The following NOXO1 variants were observed in gnomAD, a reference collection of about 807,000 sequenced individuals.
NOXO1 encodes the protein NADPH oxidase regulatory protein.
Under a neutral mutation model 33.3 loss-of-function variants are expected in NOXO1, and 38 were observed. That is an observed-to-expected ratio of 1.14 (90% CI 0.88 to 1.50). The LOEUF is 1.50. Ranked by LOEUF, NOXO1 falls within the 40% of genes most tolerant of loss-of-function variation. The probability of loss-of-function intolerance (pLI) is 0.00; values close to 1 mark genes in which losing one functional copy is unlikely to be tolerated. For missense variants in NOXO1, 675 were observed against 527.1 expected (o/e 1.28, Z -2.75); for synonymous variants, 302 against 237.3 (o/e 1.27, Z -2.51).
rs755167520 is a variant in NOXO1 at position 1,980,736 on chromosome 16, G to A, written c.148-5C>T. On this transcript the variant is annotated splice_region_variant and splice_polypyrimidine_tract_variant and intron_variant, in intron 2 of 7. Transcript: ENST00000356120. The stretch of plus-strand genomic sequence containing the variant: ...GAAGGTCTCCTTGAGGGTCTTCTGA[G>A]GGCGGGAACCAGGGCATTGGTCTTC... The A allele has an allele frequency of 1.3e-6, 2 of 1,594,000 alleles. No individual in the cohort carries two copies. Among genetic ancestry groups the A allele is most frequent in the Admixed American group, 1.7e-5 (1 of 57,286 alleles).
chr16:1,981,114 T>C lies in NOXO1; in HGVS notation c.66A>G (p.Gln22=), dbSNP rs948381728. The change falls in exon 1 of 8, where the codon CAA becomes CAG. Residue 22 remains glutamine, a splice_region_variant and synonymous_variant. Coordinates refer to ENST00000356120, the MANE Select transcript of NOXO1 (RefSeq NM_172167.3). ...CACTAAGGACCCAGCCAGGTCTTAC[T>C]TGGAGCCTCTTGATCTGCACCAGGG... The part of the protein sequence containing the change: ...GAALVQIKRL[Q]TFAFSVRWSD... The C allele has an allele frequency of 6.2e-7, 1 of 1,613,424 alleles. No homozygotes were observed. Among genetic ancestry groups the C allele is most frequent in the Admixed American group, 1.7e-5 (1 of 60,034 alleles).
At position 1,979,848 on chromosome 16, in the gene NOXO1, G is replaced by GT; in HGVS notation, c.641dup (p.Tyr214Ter). The change falls in exon 6 of 8, where the codon TAC (tyrosine) becomes TAAC (stop). Residue 214 changes from tyrosine to a stop codon, truncating the protein, a stop_gained and frameshift_variant. Coordinates refer to ENST00000356120, the MANE Select transcript of NOXO1 (RefSeq NM_172167.3). LOFTEE classifies it high-confidence loss of function. ...DRQTAWFPAP[Y>*]LEEAAPGQGR... is the part of the protein sequence containing the mutation. ...CTTGGCCCGGGGCCGCCTCCTCCAG[G>GT]TAGGGCGCTGGAAACCAGGCGGTCT... The GT allele has an allele frequency of 6.3e-6, 10 of 1,580,564 alleles. No homozygotes were observed. Among genetic ancestry groups the GT allele is most frequent in the Non-Finnish European group, 8.6e-6 (10 of 1,164,570 alleles).
intron 7 of NOXO1, 37 bp downstream of exon 7, chr16:1,979,388 C>CGGCTA: frequency 6.3e-7 from 1 of 1,595,770 alleles, no homozygotes; most frequent in Non-Finnish European, 8.5e-7. Flanking sequence ...CCGCCCGCCT[C>CGGCTA]GGCTAGCCTG....
rs542256990 is a variant in NOXO1, at chr16:1,979,450, A to T, written c.793T>A (p.Ser265Thr). 1 of 1,611,138 alleles carries T rather than the reference A, an allele frequency of 6.2e-7. No homozygotes were observed. ...CTGCATAGCCACCAGCCGCGGTCTGACGTTTCCAACACGCGCACGCGCGCC... is the reference window on the plus strand; with the variant it reads ...CTGCATAGCCACCAGCCGCGGTCTGTCGTTTCCAACACGCGCACGCGCGCC... ...AGARVRVLETSDRGWWLCRYG... is the reference protein window; with the variant it reads ...AGARVRVLETTDRGWWLCRYG... Residue 265 changes from serine (S) to threonine (T), a missense_variant, in exon 7 of 8, where the codon TCA becomes ACA. Physicochemically the swap from Ser to Thr is moderately conservative, Grantham distance 58 (BLOSUM62 1). Transcript: ENST00000356120.
intron 6 of NOXO1, 61 bp from the exon 7 acceptor site, chr16:1,979,603 C>A: frequency 6.9e-7 from 1 of 1,440,872 alleles, no homozygotes; most frequent in Non-Finnish European, 9.6e-7. Flanking sequence ...CCGCCCGCAC[C>A]CTTCTCCACA....
intron 6 of NOXO1, 122 bp from the exon 7 acceptor site, chr16:1,979,664 G>A: frequency 3.3e-6 from 4 of 1,195,386 alleles, no homozygotes; most frequent in Non-Finnish European, 4.7e-6. Flanking sequence ...GACCGGTTCG[G>A]GGCTTCCTCT....
intron 7 of NOXO1, 24 bp from the exon 8 acceptor site, chr16:1,979,373 GGGCCCC>G (rs2083448367): frequency 6.3e-7 from 1 of 1,588,254 alleles, no homozygotes. Context: ...GGTGTGGTTA[GGGCCCC>G]GCCCGCCTCG....
At position 1,980,009 on chromosome 16, in the gene NOXO1, G is replaced by A. The variant is rs1273049235; in HGVS notation, c.574C>T (p.Arg192Trp). Residue 192 changes from arginine (R) to tryptophan (W), a missense_variant, in exon 5 of 8, where the codon CGG becomes TGG. Transcript: ENST00000356120. ...QAQESLDVLL[R>W]HPSGWWLVEN... is the part of the protein sequence containing the mutation. ...TGGGGGGCCCTACCTGAGGGGTGCCGCAGCAGCACGTCCAGGCTCTCCTGG... is the reference window on the plus strand; with the variant it reads ...TGGGGGGCCCTACCTGAGGGGTGCCACAGCAGCACGTCCAGGCTCTCCTGG... The A allele has an allele frequency of 1.9e-6, 3 of 1,603,890 alleles. No individual in the cohort carries two copies. Among genetic ancestry groups the A allele is most frequent in the Non-Finnish European group, 2.5e-6 (3 of 1,176,508 alleles).
chr16:1,979,910 G>GC lies in NOXO1; in HGVS notation c.587-8dup. ...TTCTCCACCAGCCACCAGCCTGTGCGCAAGAAGCGGGCAGGGACTCAAATC... is the reference window on the plus strand; with the variant it reads ...TTCTCCACCAGCCACCAGCCTGTGCGCCAAGAAGCGGGCAGGGACTCAAATC... On this transcript the variant is annotated splice_polypyrimidine_tract_variant and splice_region_variant and intron_variant, in intron 5 of 7. Coordinates refer to ENST00000356120, the MANE Select transcript of NOXO1 (RefSeq NM_172167.3). 6.3e-7 allele frequency: 1 copy of GC among 1,579,294 alleles called. No individual in the cohort carries two copies. Among genetic ancestry groups the GC allele is most frequent in the Non-Finnish European group, 8.6e-7 (1 of 1,163,272 alleles).
intron 6 of NOXO1, 120 bp downstream of exon 6, chr16:1,979,670 C>T (rs1465265963): frequency 1.7e-6 from 2 of 1,177,626 alleles, no homozygotes; most frequent in Non-Finnish European, 2.4e-6. Context: ...TTCGGGGCTT[C>T]CTCTAGGTGC....
Position 1,979,840 on chromosome 16 carries a change from T to G in NOXO1, c.650A>C (p.Glu217Ala), listed in dbSNP as rs764889441. 1.8e-5 allele frequency: 28 copies of G among 1,577,448 alleles called. No homozygotes were observed. Among genetic ancestry groups the G allele is most frequent in the South Asian group, 3.4e-5 (3 of 87,022 alleles). ...CTCCCGGCCTTGGCCCGGGGCCGCC[T>G]CCTCCAGGTAGGGCGCTGGAAACCA... ...TAWFPAPYLE[E>A]AAPGQGREGG... is the part of the protein sequence containing the mutation. The change falls in exon 6 of 8, where the codon GAG (glutamate) becomes GCG (alanine). Residue 217 changes from glutamate (E) to alanine (A), a missense_variant. Coordinates refer to ENST00000356120, the MANE Select transcript of NOXO1 (RefSeq NM_172167.3).
In NOXO1 at chr16:1,980,420, A is replaced by T. The variant is rs202176564; in HGVS notation, c.348T>A (p.Thr116=). Residue 116 remains threonine (T), a synonymous_variant, in exon 4 of 8, where the codon ACT becomes ACA. Transcript: ENST00000356120. Reference sequence around the variant, plus strand: ...CCAGGGGTTGCGGTGCGAAGAAGCCAGTGATCGTCGGGCTCCGTGCCACGC... The same window carrying T: ...CCAGGGGTTGCGGTGCGAAGAAGCCTGTGATCGTCGGGCTCCGTGCCACGC... ...AERVARSPTI[T]GFFAPQPLDL... is the part of the protein sequence containing the mutation. The T allele has an allele frequency of 3.2e-4, 514 of 1,602,892 alleles. No individual in the cohort carries two copies. Among genetic ancestry groups the T allele is most frequent in the Non-Finnish European group, 4.1e-4 (483 of 1,179,834 alleles).
intron 6 of NOXO1, 22 bp from the exon 7 acceptor site, chr16:1,979,564 A>T: frequency 6.3e-7 from 1 of 1,585,796 alleles, no homozygotes; most frequent in Non-Finnish European, 8.6e-7. Flanking sequence ...GGGTGTTTGG[A>T]GTCACCGCGG....
At chr16:1,979,745 G>C (rs996375104) in intron 6 of NOXO1, 45 bp downstream of exon 6, 1 of 1,412,502 alleles carries the variant, frequency 7.1e-7, no homozygotes, top group African/African-American at 1.4e-5. Flanking sequence ...CTTGCCACAC[G>C]GTCAAGCCGC....
chr16:1,979,590 G>C, intron 6 of NOXO1, 48 bp from the exon 7 acceptor site: 1 of 1,500,496 alleles, frequency 6.7e-7, no homozygotes. Context: ...CAGAGGACGA[G>C]GCCCGCCCGC....
chr16:1,980,208 G>C (rs1416387834), intron 4 of NOXO1, 27 bp from the exon 5 acceptor site: 1 of 1,576,214 alleles, frequency 6.3e-7, no homozygotes, highest in Non-Finnish European at 8.6e-7. Context: ...GTACGAGTGA[G>C]AGGTAGGCGG....
Position 1,979,481 on chromosome 16 carries a change from G to A in NOXO1, c.762C>T (p.Pro254=), listed in dbSNP as rs755737441. The change falls in exon 7 of 8, where the codon CCC becomes CCT. Residue 254 remains proline (P), a synonymous_variant. Transcript: ENST00000356120. The stretch of plus-strand genomic sequence containing the variant: ...CCAACACGCGCACGCGCGCCCCCGC[G>A]GGCACGGACAGCTCATCTGCGCGGC... ...ESSRADELSV[P]AGARVRVLET... is the part of the protein sequence containing the mutation. The A allele has an allele frequency of 6.2e-7, 1 of 1,611,916 alleles. No homozygotes were observed. The highest frequency in any genetic ancestry group is 1.1e-5 in the South Asian group (1 of 90,976).
At position 1,979,430 on chromosome 16, in the gene NOXO1, T is replaced by C; in HGVS notation, c.813A>G (p.Leu271=). 6.2e-7 allele frequency: 1 copy of C among 1,608,792 alleles called. No individual in the cohort carries two copies. Among genetic ancestry groups the C allele is most frequent in the Non-Finnish European group, 8.5e-7 (1 of 1,178,904 alleles). Residue 271 remains leucine (L), a synonymous_variant, in exon 7 of 8, where the codon CTA becomes CTG. Coordinates refer to ENST00000356120, the MANE Select transcript of NOXO1 (RefSeq NM_172167.3). ...VLETSDRGWW[L]CRYGDRAGLL... ...CCACGCCCGCTCCCGCGTACCTGCA[T>C]AGCCACCAGCCGCGGTCTGACGTTT...
chr16:1,979,607 C>T (rs2083456672), intron 6 of NOXO1, 65 bp from the exon 7 acceptor site: 2 of 1,413,952 alleles, frequency 1.4e-6, no homozygotes, highest in Middle Eastern at 3.6e-4. Flanking sequence ...CCGCACCCTT[C>T]TCCACATTCT....
Sources: allele counts gnomAD v4.1 joint callset, GRCh38; gene constraint gnomAD v4.1.1; transcripts MANE v1.5; gene names NCBI Gene and HGNC (gene_info 2026-07-23, HGNC 2026-07-21).